Variants in TET2 observed in about 807,000 individuals in gnomAD.
TET2 encodes the protein methylcytosine dioxygenase TET2.
A neutral mutation model predicts 142.9 loss-of-function variants in TET2; 299 were observed. The observed-to-expected ratio is 2.09, with a 90% CI of 1.90 to 2.30. The LOEUF (loss-of-function observed/expected upper bound fraction) is 2.30, where lower values mean the gene tolerates loss of function less well. Ranked by LOEUF, TET2 falls within the 30% of genes most tolerant of loss-of-function variation. The pLI, the probability that TET2 is intolerant of heterozygous loss-of-function variation, is 0.00. For synonymous variants in TET2, 819 were observed against 849.0 expected (o/e 0.96, Z 0.61); for missense variants, 2,418 against 2,378.0 (o/e 1.02, Z -0.35).
intron 1 of TET2, among the ~76,000 whole-genome samples, chr4:105,188,492 T>C (rs541847907): frequency 1.3e-5 from 2 of 152,332 alleles, no homozygotes; most frequent in African/African-American, 4.8e-5. Flanking sequence ...CACAGAATAG[T>C]ATACTTAAAT....
intron 1 of TET2, among the ~76,000 whole-genome samples, chr4:105,160,439 A>G (rs1723790858): frequency 6.6e-6 from 1 of 152,258 alleles, no homozygotes; most frequent in South Asian, 2.1e-4. Context: ...TATTTAAAAT[A>G]TGAACAGAAT....
At chr4:105,214,388 C>T (rs1224856686) in intron 2 of TET2, among the ~76,000 whole-genome samples, 1 of 147,840 alleles carries the variant, frequency 6.8e-6, no homozygotes, top group Non-Finnish European at 1.5e-5. Flanking sequence ...CTCACCGCAG[C>T]CTCAGCCTCC....
chr4:105,235,180 C>T lies in TET2; in HGVS notation c.1238C>T (p.Pro413Leu), dbSNP rs2110225858. 1 of 1,614,028 alleles carries T rather than the reference C, an allele frequency of 6.2e-7. No individual in the cohort carries two copies. Among genetic ancestry groups the T allele is most frequent in the Non-Finnish European group, 8.5e-7 (1 of 1,179,954 alleles). Residue 413 changes from proline to leucine, a missense_variant, in exon 3 of 11, where the codon CCA (proline) becomes CTA (leucine). Transcript: ENST00000380013. ...CTTCTTTCTCCCCCTCCTCCTCTTC[C>T]ACAGGTTCCTCAGCTTCCTTCAGAA... Reference protein sequence around the residue: ...QLLLSPPPPLPQVPQLPSEGK... With the variant: ...QLLLSPPPPLLQVPQLPSEGK...
chr4:105,208,637 G>A (rs931511802), intron 2 of TET2, among the ~76,000 whole-genome samples: 5 of 152,032 alleles, frequency 3.3e-5, no homozygotes, highest in African/African-American at 7.2e-5. Context: ...CTGAGCATGC[G>A]CAGCTTTACT....
At chr4:105,191,767 A>G (rs966314186) in intron 2 of TET2, among the ~76,000 whole-genome samples, 2 of 152,126 alleles carry the variant, frequency 1.3e-5, no homozygotes, top group Non-Finnish European at 2.9e-5. Flanking sequence ...TTCAAGACAC[A>G]GGGCAAGCGC....
At chr4:105,156,352 G>A (rs1040832284) in intron 1 of TET2, among the ~76,000 whole-genome samples, 1 of 152,174 alleles carries the variant, frequency 6.6e-6, no homozygotes, top group African/African-American at 2.4e-5. Context: ...GCATAGAAAT[G>A]CAGGCAGTCT....
At chr4:105,248,987 C>A (rs1729723512) in intron 6 of TET2, among the ~76,000 whole-genome samples, 1 of 148,624 alleles carries the variant, frequency 6.7e-6, no homozygotes, top group Admixed American at 6.9e-5. Context: ...AAAAAAAGTA[C>A]CTTTTTTCTT....
chr4:105,172,375 CTGT>C (rs1410031091), intron 1 of TET2: 1 of 152,028 alleles, frequency 6.6e-6, no homozygotes, highest in African/African-American at 2.4e-5. Context: ...AGAAAAGAAA[CTGT>C]TATTAAGAAA....
chr4:105,270,065 A>G (rs1276308893), intron 9 of TET2, among the ~76,000 whole-genome samples: 1 of 152,210 alleles, frequency 6.6e-6, no homozygotes. Context: ...GGTCCTTCCC[A>G]AAACACATGG....
chr4:105,237,067 A>G lies in TET2; in HGVS notation c.3125A>G (p.Asp1042Gly), dbSNP rs1365985520. The change falls in exon 3 of 11, where the codon GAC (aspartate) becomes GGC (glycine). Residue 1042 changes from aspartate to glycine, a missense_variant. Asp to Gly is a moderately conservative substitution (Grantham distance 94). Transcript: ENST00000380013. The stretch of plus-strand genomic sequence containing the variant: ...CAGTTTCACGCCAAGTCGTTATTTG[A>G]CCATAAGGCTCTTACTCTCAAATCA... ...LKQFHAKSLF[D>G]HKALTLKSQK... 6.2e-7 allele frequency: 1 copy of G among 1,614,026 alleles called. No individual in the cohort carries two copies. The highest frequency in any genetic ancestry group is 8.5e-7 in the Non-Finnish European group (1 of 1,180,018).
At chr4:105,258,564 G>A (rs983416723) in intron 6 of TET2, among the ~76,000 whole-genome samples, 5 of 152,052 alleles carry the variant, frequency 3.3e-5, no homozygotes, top group Non-Finnish European at 5.9e-5. Context: ...GCAAATACAT[G>A]AAGTAATTAT....
chr4:105,237,636 C>A (rs1729034464), intron 3 of TET2: 7 of 1,380,800 alleles, frequency 5.1e-6, no homozygotes, highest in African/African-American at 1.5e-5. Context: ...TGTTTTAGAT[C>A]AATTCGCCTA....
Position 105,235,846 on chromosome 4 carries a change from A to G in TET2, c.1904A>G (p.Gln635Arg), listed in dbSNP as rs962385281. ...CTGGAGCACAAGTCACAAATGTACC[A>G]AGTTGAAATGAATCAAGGGCAGTCC... ...TQLEHKSQMY[Q>R]VEMNQGQSQG... Residue 635 changes from glutamine (Q) to arginine (R), a missense_variant, in exon 3 of 11, where the codon CAA becomes CGA. By Grantham distance (43) the Gln-to-Arg change is conservative. Transcript: ENST00000380013. 9.9e-6 allele frequency: 16 copies of G among 1,613,876 alleles called. No homozygotes were observed. The highest frequency in any genetic ancestry group is 1.4e-5 in the Non-Finnish European group (16 of 1,179,976).
chr4:105,189,538 A>T (rs2110478355), intron 1 of TET2, among the ~76,000 whole-genome samples: 1 of 152,302 alleles, frequency 6.6e-6, no homozygotes, highest in Admixed American at 6.5e-5. Context: ...CTGTGCCTCA[A>T]AACAACGCTT....
chr4:105,239,481 T>C (rs898600771), intron 3 of TET2: 14 of 239,616 alleles, frequency 5.8e-5, no homozygotes, highest in African/African-American at 2.4e-4. Context: ...TTTTATGTTA[T>C]AGAGACAGCT....
At chr4:105,212,869 A>G (rs1055380222) in intron 2 of TET2, among the ~76,000 whole-genome samples, 1 of 152,128 alleles carries the variant, frequency 6.6e-6, no homozygotes, top group Non-Finnish European at 1.5e-5. Flanking sequence ...ACGTGCCTGT[A>G]GTCCCAGATA....
intron 1 of TET2, among the ~76,000 whole-genome samples, chr4:105,163,761 A>G (rs117317929): frequency 1.3e-5 from 2 of 151,308 alleles, no homozygotes; most frequent in Non-Finnish European, 2.9e-5. Context: ...ACTCTTAAAC[A>G]GTTGGATGCC....
chr4:105,219,640 G>A (rs762718317), intron 2 of TET2, among the ~76,000 whole-genome samples: 2 of 152,034 alleles, frequency 1.3e-5, no homozygotes, highest in Non-Finnish European at 2.9e-5. Flanking sequence ...GCTTTGTGGG[G>A]TTTTGTTTGT....
Position 105,244,351 on chromosome 4 carries a change from A to G in TET2, c.3803+573A>G, listed in dbSNP as rs564573641. On this transcript the variant is annotated intron_variant, in intron 6 of 10. Transcript: ENST00000380013. ...CTAAATGATCAGCAAATTACTGGAT[A>G]TGGATATATATTATTTTCCAGGAAT... Among the ~76,000 whole-genome samples the G allele has an allele frequency of 6.1e-4, 93 of 152,332 alleles. 1 individual carries two copies. In the South Asian group the frequency reaches 0.018, roughly 30 times the overall value.
Sources: allele counts gnomAD v4.1 joint callset (sites outside exome capture counted in the v4.1 genomes callset), GRCh38; gene constraint gnomAD v4.1.1; transcripts MANE v1.5; gene names NCBI Gene and HGNC (gene_info 2026-07-23, HGNC 2026-07-21).